Variants in TPTE2 observed in about 807,000 individuals in gnomAD.
TPTE2 encodes the protein phosphatidylinositol 3,4,5-trisphosphate 3-phosphatase TPTE2.
Under a neutral mutation model 78.6 loss-of-function variants are expected in TPTE2, and 53 were observed. The ratio of observed to expected loss-of-function variants is 0.67; its 90% CI spans 0.54 to 0.85. The LOEUF is 0.85. TPTE2 is among the 40% of genes least tolerant of loss of function. TPTE2 has a pLI of 0.00. For synonymous variants in TPTE2, 175 were observed against 206.2 expected (o/e 0.85, Z 1.30); for missense variants, 461 against 623.0 (o/e 0.74, Z 2.77).
intron 13 of TPTE2, among the ~76,000 whole-genome samples, chr13:19,449,435 C>T (rs1878042398): frequency 1.3e-5 from 2 of 152,072 alleles, no homozygotes; most frequent in Admixed American, 1.3e-4. Context: ...GCCACTGTGC[C>T]CAGCCTGAGA....
chr13:19,503,100 G>A (rs1868730306), intron 1 of TPTE2, 124 bp downstream of exon 4: 1 of 1,376,616 alleles, frequency 7.3e-7, no homozygotes, highest in Non-Finnish European at 1.0e-6. Flanking sequence ...GTGTTTGGGA[G>A]AAGTGTGTAT....
At chr13:19,476,747 C>A (rs576367925) in intron 4 of TPTE2, among the ~76,000 whole-genome samples, 1 of 152,262 alleles carries the variant, frequency 6.6e-6, no homozygotes, top group Admixed American at 6.5e-5. Context: ...GAAAAGGGAA[C>A]ACTTATACAT....
At chr13:19,532,891 A>G (rs1214699780) in intron 1 of TPTE2, among the ~76,000 whole-genome samples, 1 of 152,230 alleles carries the variant, frequency 6.6e-6, no homozygotes, top group African/African-American at 2.4e-5. Flanking sequence ...GTACTTGACA[A>G]TAAGAAGGGC....
intron 13 of TPTE2, among the ~76,000 whole-genome samples, chr13:19,439,533 C>A (rs1814090841): frequency 6.6e-6 from 1 of 152,154 alleles, no homozygotes; most frequent in Non-Finnish European, 1.5e-5. Context: ...AGGACCCATG[C>A]AAGAATTCTG....
At chr13:19,555,724 G>T in the TPTE2 span, among the ~76,000 whole-genome samples, 1 of 150,378 alleles carries the variant, frequency 6.6e-6, no homozygotes, top group Non-Finnish European at 1.5e-5. Flanking sequence ...AAAGTAAGCT[G>T]CCTCCTTCAA....
At chr13:19,470,017 C>T (rs760985403) in intron 6 of TPTE2, among the ~76,000 whole-genome samples, 3 of 151,754 alleles carry the variant, frequency 2.0e-5, no homozygotes, top group African/African-American at 7.3e-5. Context: ...TTTTTATTCC[C>T]TTTCTTTCTC....
chr13:19,514,592 A>AGTGTGTGTGTGTGTGTGTGTGT (rs151110694), intron 1 of TPTE2, among the ~76,000 whole-genome samples: 5,836 of 126,632 alleles, frequency 0.046, 391 homozygotes, highest in East Asian at 0.071. Flanking sequence ...TACTTCTGAG[A>AGTGTGTGTGTGTGTGTGTGTGT]GTGTGTGTGT....
intron 4 of TPTE2, among the ~76,000 whole-genome samples, 194 bp downstream of exon 7, chr13:19,482,294 G>A (rs1324429833): frequency 6.6e-6 from 1 of 151,998 alleles, no homozygotes; most frequent in African/African-American, 2.4e-5. Flanking sequence ...ATTTCTGAAT[G>A]GATGGAATTT....
chr13:19,523,583 C>T (rs570877823), intron 1 of TPTE2, among the ~76,000 whole-genome samples: 6 of 152,198 alleles, frequency 3.9e-5, no homozygotes, highest in African/African-American at 1.4e-4. Context: ...TCAAGTGATT[C>T]TCCTGCCTCA....
chr13:19,435,318 G>C (rs1876991927), intron 15 of TPTE2, among the ~76,000 whole-genome samples: 1 of 152,178 alleles, frequency 6.6e-6, no homozygotes, highest in Non-Finnish European at 1.5e-5. Context: ...GTTTTTTGTT[G>C]TTGTTTTAAG....
At chr13:19,456,149 A>G (rs2137542478) in intron 10 of TPTE2, among the ~76,000 whole-genome samples, 1 of 152,324 alleles carries the variant, frequency 6.6e-6, no homozygotes, top group East Asian at 1.9e-4. Flanking sequence ...ATTAAAATGA[A>G]TATGTGAATT....
intron 1 of TPTE2, among the ~76,000 whole-genome samples, chr13:19,514,578 C>A (rs1484572465): frequency 1.7e-5 from 1 of 58,016 alleles, no homozygotes; most frequent in African/African-American, 3.8e-5. Context: ...GGATACAGCA[C>A]CAGTACTTCT....
At chr13:19,498,111 AAAG>A (rs1220532621) in intron 1 of TPTE2, among the ~76,000 whole-genome samples, 3 of 151,978 alleles carry the variant, frequency 2.0e-5, no homozygotes, top group Admixed American at 2.0e-4. Context: ...AAAAGAATAA[AAAG>A]AAATGAGCAA....
At chr13:19,447,931 G>C (rs1877941774) in intron 13 of TPTE2, among the ~76,000 whole-genome samples, 1 of 151,882 alleles carries the variant, frequency 6.6e-6, no homozygotes, top group African/African-American at 2.4e-5. Flanking sequence ...TAATCTAAAA[G>C]GTTCTCACAA....
At chr13:19,472,747 G>T (rs1327652462) in intron 6 of TPTE2, among the ~76,000 whole-genome samples, 1 of 152,208 alleles carries the variant, frequency 6.6e-6, no homozygotes, top group African/African-American at 2.4e-5. Flanking sequence ...TCTAGGCATT[G>T]AAGAGTTAGG....
chr13:19,526,182 G>GTATA (rs1234188700), intron 1 of TPTE2, among the ~76,000 whole-genome samples: 3 of 152,142 alleles, frequency 2.0e-5, no homozygotes, highest in African/African-American at 7.2e-5. Flanking sequence ...CCATTACTGA[G>GTATA]TATATACCCA....
upstream of TPTE2, among the ~76,000 whole-genome samples, chr13:19,539,342 G>C (rs1288266007): frequency 6.6e-6 from 1 of 152,178 alleles, no homozygotes; most frequent in Non-Finnish European, 1.5e-5. Flanking sequence ...ATGGGGGTGG[G>C]TTTTTCCCAT....
rs71092368 is a variant in TPTE2, at chr13:19,493,317, GTGGATGGATGGA to G, written c.65+119_65+130del. 4.7e-3 allele frequency: 3,074 copies of G among 657,344 alleles called. 50 individuals are homozygous for G. Among genetic ancestry groups the G allele is most frequent in the African/African-American group, 0.043 (2,431 of 56,532 alleles). 40.7% of individuals were successfully genotyped at this position (657,344 alleles called of 1,614,324 possible). A position where few individuals can be genotyped will look rare whatever the true frequency, so the allele number is the denominator to read the frequency against. On this transcript the variant is annotated intron_variant, in intron 2 of 19. Coordinates refer to ENST00000400230, the Ensembl canonical transcript of TPTE2. ...TTGTGTACGCGTGTTGAAGAGAAGT[GTGGATGGATGGA>G]TGGATGGATGGATGGATGGATGGAT...
exon 13 of TPTE2, chr13:19,450,111 T>C: frequency 6.2e-7 from 1 of 1,611,466 alleles, no homozygotes; most frequent in Non-Finnish European, 8.5e-7. Flanking sequence ...TACGATGTTT[T>C]CAAGATCTTG....
Sources: gnomAD v4.1 joint callset for allele counts (sites outside exome capture counted in the v4.1 genomes callset) on GRCh38, gnomAD v4.1.1 for gene constraint, MANE v1.5 for transcripts, NCBI Gene and HGNC (gene_info 2026-07-23, HGNC 2026-07-21) for gene names.